TMEM266: variants seen among roughly 807,000 people sequenced by gnomAD.
The protein encoded by TMEM266 is Hv1 related protein 1.
A neutral mutation model predicts 50.5 loss-of-function variants in TMEM266; 33 were observed. That is an observed-to-expected ratio of 0.65 (90% CI 0.50 to 0.87). The LOEUF (loss-of-function observed/expected upper bound fraction) is 0.87. Ranked by LOEUF, TMEM266 falls within the 40% of genes least tolerant of loss-of-function variation. The probability of loss-of-function intolerance (pLI) is 0.00; values close to 1 mark genes in which losing one functional copy is unlikely to be tolerated. For synonymous variants in TMEM266, 310 were observed against 292.3 expected (o/e 1.06, Z -0.62); for missense variants, 655 against 695.1 (o/e 0.94, Z 0.65).
chr15:76,150,896 T>G (rs1398254502), intron 3 of TMEM266, among the ~76,000 whole-genome samples: 1 of 152,256 alleles, frequency 6.6e-6, no homozygotes, highest in East Asian at 1.9e-4. Flanking sequence ...GAATTTTTTA[T>G]GCAAACACCT....
chr15:76,173,949 A>T (rs1003376305), intron 7 of TMEM266, among the ~76,000 whole-genome samples: 2 of 151,580 alleles, frequency 1.3e-5, no homozygotes, highest in East Asian at 3.9e-4. Context: ...AAATAAAAAA[A>T]AAAAAAAGAG....
At chr15:76,143,298 C>G (rs1177993155) in intron 3 of TMEM266, among the ~76,000 whole-genome samples, 1 of 152,158 alleles carries the variant, frequency 6.6e-6, no homozygotes, top group South Asian at 2.1e-4. Context: ...AGCCTCGTGA[C>G]GTTTGCTACC....
At chr15:76,066,384 T>A (rs966570617) in intron 1 of TMEM266, among the ~76,000 whole-genome samples, 1 of 152,192 alleles carries the variant, frequency 6.6e-6, no homozygotes, top group Non-Finnish European at 1.5e-5. Context: ...TTAATGCTTT[T>A]AAAAAGTAGC....
At chr15:76,149,866 A>C (rs937605571) in intron 3 of TMEM266, among the ~76,000 whole-genome samples, 1 of 152,258 alleles carries the variant, frequency 6.6e-6, no homozygotes, top group African/African-American at 2.4e-5. Context: ...ACTAAAGTCC[A>C]TGTCAATGAC....
chr15:76,184,072 G>A (rs946264140), intron 8 of TMEM266, among the ~76,000 whole-genome samples: 21 of 152,202 alleles, frequency 1.4e-4, no homozygotes, highest in African/African-American at 4.8e-4. Flanking sequence ...TCAGAAAAGG[G>A]GCCAAAGGGC....
At chr15:76,093,596 T>A (rs932138013) in intron 1 of TMEM266, among the ~76,000 whole-genome samples, 2 of 152,044 alleles carry the variant, frequency 1.3e-5, no homozygotes, top group Non-Finnish European at 2.9e-5. Context: ...GTCTTTATAG[T>A]AGCATGATTT....
intron 8 of TMEM266, among the ~76,000 whole-genome samples, chr15:76,182,646 A>AAAAAC (rs1042249028): frequency 3.3e-5 from 5 of 152,188 alleles, no homozygotes; most frequent in East Asian, 1.9e-4. Flanking sequence ...TCAGTCACAA[A>AAAAAC]AAAACAAAAC....
intron 1 of TMEM266, among the ~76,000 whole-genome samples, chr15:76,120,705 G>C (rs2037327638): frequency 7.0e-6 from 1 of 143,494 alleles, no homozygotes; most frequent in South Asian, 2.2e-4. Context: ...AGGCTGCAGT[G>C]AGCCAAGATC....
At chr15:76,147,128 A>G (rs916671979) in intron 3 of TMEM266, among the ~76,000 whole-genome samples, 7 of 152,224 alleles carry the variant, frequency 4.6e-5, no homozygotes, top group African/African-American at 1.7e-4. Flanking sequence ...TGTGGAGTCG[A>G]GGAAGAGCTG....
chr15:76,066,532 T>C (rs920658489), intron 1 of TMEM266, among the ~76,000 whole-genome samples: 1 of 152,066 alleles, frequency 6.6e-6, no homozygotes, highest in Admixed American at 6.6e-5. Flanking sequence ...GACCTTGCTA[T>C]AGGCCTGCTC....
In TMEM266 at chr15:76,204,603, G is replaced by C. The variant is rs1297016264; in HGVS notation, c.*288G>C. The C allele has an allele frequency of 3.7e-6, 1 of 268,994 alleles. No homozygotes were observed. Among genetic ancestry groups the C allele is most frequent in the Non-Finnish European group, 7.1e-6 (1 of 141,426 alleles). The allele number at this position is 268,994 out of a possible 1,614,324, so 16.7% of individuals were successfully genotyped here. A position where few individuals can be genotyped will look rare whatever the true frequency, so the allele number is the denominator to read the frequency against. On this transcript the variant is annotated 3_prime_UTR_variant, in exon 11 of 11. Transcript: ENST00000388942. ...ACCAGCCTGTGGCCCAGCTTCAGCA[G>C]GGTAGAGTGTGGGGGGGCCAGCTCA...
chr15:76,069,081 A>G lies in TMEM266; in HGVS notation c.-97+9065A>G, dbSNP rs138923276. On this transcript the variant is annotated intron_variant, in intron 1 of 10. Transcript: ENST00000388942. ...TTATGCTTGCCCTGTTTATCTCAGG[A>G]TTGTTGCAAGGATCAGTGACATAGC... 2.5e-3 allele frequency among the ~76,000 whole-genome samples: 379 copies of G among 152,288 alleles called. 2 individuals are homozygous for G. The highest frequency in any genetic ancestry group is 8.6e-3 in the African/African-American group (357 of 41,564).
intron 1 of TMEM266, among the ~76,000 whole-genome samples, chr15:76,127,656 G>A (rs1401320117): frequency 1.3e-5 from 2 of 152,038 alleles, no homozygotes; most frequent in Non-Finnish European, 2.9e-5. Flanking sequence ...TCACTGCTAG[G>A]TATACTGTTG....
In TMEM266 at chr15:76,132,224, T is replaced by G. The variant is rs544601945; in HGVS notation, c.-96-1944T>G. Among the ~76,000 whole-genome samples, 432 of 151,958 alleles carry G rather than the reference T, an allele frequency of 2.8e-3. 3 individuals carry two copies. The highest frequency in any genetic ancestry group is 7.1e-3 in the South Asian group (34 of 4,804). Reference sequence around the variant, plus strand: ...CTTGGGTTCCAGCAATTCTCCTGCCTCAGCCTCCTGAGTAGCTGGGACTAC... The same window carrying G: ...CTTGGGTTCCAGCAATTCTCCTGCCGCAGCCTCCTGAGTAGCTGGGACTAC... On this transcript the variant is annotated intron_variant, in intron 1 of 10. Coordinates refer to ENST00000388942, the MANE Select transcript of TMEM266 (RefSeq NM_152335.3).
At chr15:76,072,044 CAA>C in intron 1 of TMEM266, among the ~76,000 whole-genome samples, 1 of 152,144 alleles carries the variant, frequency 6.6e-6, no homozygotes, top group South Asian at 2.1e-4. Flanking sequence ...GGTTTGAAGA[CAA>C]AGTTTGGAGA....
intron 5 of TMEM266, among the ~76,000 whole-genome samples, chr15:76,163,251 C>T (rs1242026187): frequency 2.6e-5 from 4 of 152,204 alleles, no homozygotes; most frequent in Non-Finnish European, 1.5e-5. Context: ...CTACTTTGCT[C>T]TGTGCTGGCC....
intron 6 of TMEM266, 62 bp downstream of exon 6, chr15:76,169,934 A>G (rs2038162499): frequency 2.6e-6 from 4 of 1,533,382 alleles, no homozygotes; most frequent in Admixed American, 1.7e-5. Context: ...GGAAAACGTC[A>G]TGTCCCATCC....
At chr15:76,151,289 C>CAGGA (rs2037839536) in intron 3 of TMEM266, among the ~76,000 whole-genome samples, 1 of 152,238 alleles carries the variant, frequency 6.6e-6, no homozygotes, top group Non-Finnish European at 1.5e-5. Context: ...CTGAACCACT[C>CAGGA]AGGAATCTTT....
Position 76,153,737 on chromosome 15 carries a change from C to G in TMEM266, c.228-2867C>G, listed in dbSNP as rs973119969. Among the ~76,000 whole-genome samples, 4 of 152,024 alleles carry G rather than the reference C, an allele frequency of 2.6e-5. No homozygotes were observed. Among genetic ancestry groups the G allele is most frequent in the Admixed American group, 2.6e-4 (4 of 15,260 alleles). ...CTGGCAAAAGGGGAGGCAGGAATGT[C>G]ACATCGTGGGAAAAGAAGCAGGGGG... On this transcript the variant is annotated intron_variant, in intron 3 of 10. Coordinates refer to ENST00000388942, the MANE Select transcript of TMEM266 (RefSeq NM_152335.3). This position sits in a 1 kb window ranked among gnomAD's most constrained non-coding sequence, Gnocchi z 4.2.
Sources: gnomAD v4.1 joint callset for allele counts (sites outside exome capture counted in the v4.1 genomes callset) on GRCh38, gnomAD v4.1.1 for gene constraint, Gnocchi (gnomAD v3.1) non-coding constraint, MANE v1.5 for transcripts, NCBI Gene and HGNC (gene_info 2026-07-23, HGNC 2026-07-21) for gene names.